FHIT: variants seen among roughly 807,000 people sequenced by gnomAD.
The protein encoded by FHIT is bis(5'-adenosyl)-triphosphatase.
Under a neutral mutation model 17.9 loss-of-function variants are expected in FHIT, and 19 were observed. That is an observed-to-expected ratio of 1.06 (90% CI 0.74 to 1.56). FHIT has a LOEUF of 1.56. Ranked by LOEUF, FHIT falls within the 40% of genes most tolerant of loss-of-function variation. The pLI is 0.00. For missense variants in FHIT, 248 were observed against 189.2 expected, an observed-to-expected ratio of 1.31 and a Z score of -1.82; for synonymous variants, 81 against 69.7, an observed-to-expected ratio of 1.16 and a Z score of -0.81.
intron 5 of FHIT, among the ~76,000 whole-genome samples, chr3:60,142,284 C>A (rs931568905): frequency 6.6e-6 from 1 of 152,148 alleles, no homozygotes; most frequent in South Asian, 2.1e-4. Context: ...CATAAGGTTG[C>A]TGTGGGAACT....
chr3:60,281,915 C>T (rs1707477094), intron 5 of FHIT, among the ~76,000 whole-genome samples: 1 of 152,082 alleles, frequency 6.6e-6, no homozygotes, highest in East Asian at 1.9e-4. Context: ...AAAATATTAA[C>T]ATCATATGTC....
intron 5 of FHIT, among the ~76,000 whole-genome samples, chr3:60,501,580 C>T (rs2121865): frequency 0.46 from 69,752 of 151,918 alleles, 16,220 homozygotes; most frequent in East Asian, 0.58. Flanking sequence ...TTGAGTTCCA[C>T]TTCCTGGCTC....
chr3:60,175,388 A>G (rs1701623143), intron 5 of FHIT, among the ~76,000 whole-genome samples: 3 of 152,162 alleles, frequency 2.0e-5, no homozygotes, highest in Non-Finnish European at 4.4e-5. Context: ...TCTGTTGTGA[A>G]TCTGTCCTAC....
At chr3:59,842,186 C>T (rs1701558712) in intron 8 of FHIT, among the ~76,000 whole-genome samples, 1 of 152,134 alleles carries the variant, frequency 6.6e-6, no homozygotes, top group Admixed American at 6.6e-5. Context: ...TGGCTTATTG[C>T]ACTTAGCACA....
chr3:60,365,101 T>C (rs12487526), intron 5 of FHIT, among the ~76,000 whole-genome samples: 56,675 of 149,110 alleles, frequency 0.38, 11,076 homozygotes, highest in Non-Finnish European at 0.43. Context: ...TTATTACATA[T>C]AAACAGAACA....
At chr3:61,074,848 C>A (rs570801724) in intron 2 of FHIT, among the ~76,000 whole-genome samples, 2 of 152,082 alleles carry the variant, frequency 1.3e-5, no homozygotes, top group African/African-American at 2.4e-5. Context: ...TCTTACTTAA[C>A]CCCCTTTACC....
At chr3:60,200,506 T>C (rs1289290305) in intron 5 of FHIT, among the ~76,000 whole-genome samples, 4 of 152,108 alleles carry the variant, frequency 2.6e-5, no homozygotes, top group African/African-American at 9.7e-5. Context: ...TGTAATTTTG[T>C]ATAAAATGGG....
intron 2 of FHIT, among the ~76,000 whole-genome samples, chr3:61,080,941 C>T (rs2035118146): frequency 2.0e-5 from 3 of 152,080 alleles, no homozygotes; most frequent in African/African-American, 4.8e-5. Context: ...CGGCAAAAAG[C>T]GGAAGAGGCA....
intron 4 of FHIT, among the ~76,000 whole-genome samples, chr3:60,664,693 G>A (rs1309655574): frequency 6.7e-6 from 1 of 149,014 alleles, no homozygotes; most frequent in Non-Finnish European, 1.5e-5. Context: ...ATTTCATGTT[G>A]GCTGAGTTTA....
At chr3:60,144,810 A>T (rs1410725590) in intron 5 of FHIT, among the ~76,000 whole-genome samples, 1 of 152,160 alleles carries the variant, frequency 6.6e-6, no homozygotes. Context: ...TCACCCTACC[A>T]TGCAATAAAA....
chr3:60,951,472 G>A (rs1442711964), intron 3 of FHIT, among the ~76,000 whole-genome samples: 2 of 152,122 alleles, frequency 1.3e-5, no homozygotes, highest in South Asian at 2.1e-4. Context: ...AAAAGGAACC[G>A]TAACAAGCAA....
chr3:61,105,820 T>C (rs191888747), intron 2 of FHIT, among the ~76,000 whole-genome samples: 5 of 152,226 alleles, frequency 3.3e-5, no homozygotes, highest in African/African-American at 7.2e-5. Context: ...TACTGGAGAA[T>C]TGCAGAATAA....
At chr3:60,492,695 C>T (rs925786271) in intron 5 of FHIT, among the ~76,000 whole-genome samples, 3 of 151,774 alleles carry the variant, frequency 2.0e-5, no homozygotes, top group Admixed American at 6.6e-5. Context: ...TTAGTAGAGA[C>T]GGGGTTTCTC....
In FHIT at chr3:60,624,918, TG is replaced by T. The variant is rs1426337254; in HGVS notation, c.-17-87940del. ...TAGTTTTTTTTTTTGTTTGTTTGTT[TG>T]TTTGTTTTTGAGACAGTCTTGCCCT... On this transcript the variant is annotated intron_variant, in intron 4 of 9. Transcript: ENST00000492590. Among the ~76,000 whole-genome samples, 519 of 151,290 alleles carry T rather than the reference TG, an allele frequency of 3.4e-3. 4 individuals carry two copies. Among genetic ancestry groups the T allele is most frequent in the African/African-American group, 0.012 (495 of 40,682 alleles).
At chr3:59,867,490 A>T (rs1702708187) in intron 8 of FHIT, among the ~76,000 whole-genome samples, 1 of 152,104 alleles carries the variant, frequency 6.6e-6, no homozygotes, top group African/African-American at 2.4e-5. Context: ...AAATGAGAAG[A>T]GGGATTTTCT....
rs376287356 is a variant in FHIT, at chr3:60,472,611, C to T, written c.103+64249G>A. On this transcript the variant is annotated intron_variant, in intron 5 of 9. Transcript: ENST00000492590. ...GTCTCGATCTCCTGACCTCATGATCCGCCCGTCTCGGCCTCCCAAAGGGCT... is the reference window on the plus strand; with the variant it reads ...GTCTCGATCTCCTGACCTCATGATCTGCCCGTCTCGGCCTCCCAAAGGGCT... 2.3e-3 allele frequency among the ~76,000 whole-genome samples: 356 copies of T among 152,182 alleles called. 1 individual carries two copies. The highest frequency in any genetic ancestry group is 8.0e-3 in the African/African-American group (331 of 41,512).
In FHIT at chr3:60,823,394, T is replaced by C. The variant is rs529967103; in HGVS notation, c.-110-1383A>G. Among the ~76,000 whole-genome samples the C allele has an allele frequency of 3.9e-5, 6 of 152,260 alleles. No homozygotes were observed. In the East Asian group the frequency reaches 9.7e-4, roughly 25 times the overall value. Reference sequence around the variant, plus strand: ...TTTGGTAATAGGATTGATACAGATATAATTATTTAAGTTAAGATGAAGTCA... The same window carrying C: ...TTTGGTAATAGGATTGATACAGATACAATTATTTAAGTTAAGATGAAGTCA... On this transcript the variant is annotated intron_variant, in intron 3 of 9. Coordinates refer to ENST00000492590, the MANE Select transcript of FHIT (RefSeq NM_002012.4).
chr3:60,874,373 G>T (rs1553755783), intron 3 of FHIT, among the ~76,000 whole-genome samples: 1 of 152,112 alleles, frequency 6.6e-6, no homozygotes. Flanking sequence ...AGTCTCTTGG[G>T]CTAGTGACCA....
chr3:60,468,356 T>G (rs1189651560), intron 5 of FHIT, among the ~76,000 whole-genome samples: 2 of 152,124 alleles, frequency 1.3e-5, no homozygotes, highest in Non-Finnish European at 2.9e-5. Context: ...CTGGTTGTTT[T>G]GTAGTCTTCT....
Sources: gnomAD v4.1 joint callset for allele counts (sites outside exome capture counted in the v4.1 genomes callset) on GRCh38, gnomAD v4.1.1 for gene constraint, MANE v1.5 for transcripts, NCBI Gene and HGNC (gene_info 2026-07-23, HGNC 2026-07-21) for gene names.